ELL: variants seen among roughly 807,000 people sequenced by gnomAD.
ELL encodes the protein elongation factor for RNA polymerase II.
ELL carries 18 observed loss-of-function variants against 64.0 expected under a neutral mutation model. That is an observed-to-expected ratio of 0.28 (90% CI 0.19 to 0.42). ELL has a LOEUF of 0.42. Ranked by LOEUF, ELL falls within the 10% of genes least tolerant of loss-of-function variation. The pLI is 1.00. For missense variants in ELL, 797 were observed against 870.4 expected, an observed-to-expected ratio of 0.92 and a Z score of 1.06; for synonymous variants, 399 against 376.2, an observed-to-expected ratio of 1.06 and a Z score of -0.70.
In ELL at chr19:18,516,481, T is replaced by A. The variant is rs548088966; in HGVS notation, c.135+5440A>T. 2.4e-4 allele frequency among the ~76,000 whole-genome samples: 37 copies of A among 152,328 alleles called. No individual in the cohort carries two copies. The South Asian group carries it at 5.0e-3, about 20-fold the overall frequency. The stretch of plus-strand genomic sequence containing the variant: ...TTGCTAATTTCTGTGCCATCCTTCC[T>A]GTTCATGAATTCTGTCTCCTGCCAC... On this transcript the variant is annotated intron_variant, in intron 1 of 11. Transcript: ENST00000262809.
At chr19:18,512,685 T>C (rs2144978001) in intron 1 of ELL, among the ~76,000 whole-genome samples, 1 of 152,250 alleles carries the variant, frequency 6.6e-6, no homozygotes, top group East Asian at 1.9e-4. Flanking sequence ...AGGCTTTGCT[T>C]TCTGGGATCA....
At chr19:18,459,300 C>T (rs1334688970) in intron 5 of ELL, among the ~76,000 whole-genome samples, 3 of 152,326 alleles carry the variant, frequency 2.0e-5, no homozygotes, top group South Asian at 4.1e-4. Flanking sequence ...CTTGCTGTTG[C>T]CGGTTGACCA....
chr19:18,472,800 G>T, intron 2 of ELL, 35 bp downstream of exon 2: 1 of 1,532,284 alleles, frequency 6.5e-7, no homozygotes, highest in Non-Finnish European at 8.8e-7. Context: ...CCAGTCCCAA[G>T]ATTCCAAATA....
chr19:18,491,228 G>A (rs965543687), intron 1 of ELL, among the ~76,000 whole-genome samples: 2 of 136,730 alleles, frequency 1.5e-5, no homozygotes, highest in South Asian at 4.7e-4. Context: ...GACTACAGGT[G>A]CTCACCACCA....
chr19:18,501,173 C>T lies in ELL; in HGVS notation c.135+20748G>A, dbSNP rs952338272. On this transcript the variant is annotated intron_variant, in intron 1 of 11. Transcript: ENST00000262809. This position sits in a 1 kb window ranked among gnomAD's most constrained non-coding sequence, Gnocchi z 4.5. ...GCAAGCAGCACACCTCCAGGGGCCA[C>T]GTAGACAACCTGTGACACAGTGAAC... 1.3e-5 allele frequency among the ~76,000 whole-genome samples: 2 copies of T among 152,082 alleles called. No individual in the cohort carries two copies. The highest frequency in any genetic ancestry group is 4.8e-5 in the African/African-American group (2 of 41,388).
intron 6 of ELL, among the ~76,000 whole-genome samples, chr19:18,454,507 A>C (rs1974612431): frequency 6.6e-6 from 1 of 151,450 alleles, no homozygotes; most frequent in Admixed American, 6.6e-5. Flanking sequence ...CAAAATAAAT[A>C]AAGAAATAAA....
chr19:18,465,369 AGCTGCCCG>A (rs919013664), intron 4 of ELL, 35 bp downstream of exon 4: 2 of 1,545,522 alleles, frequency 1.3e-6, no homozygotes, highest in African/African-American at 1.4e-5. Flanking sequence ...CGACACTGGC[AGCTGCCCG>A]GCTGCCCTAC....
intron 2 of ELL, 154 bp downstream of exon 2, chr19:18,472,681 G>A: frequency 1.1e-6 from 1 of 897,488 alleles, no homozygotes; most frequent in Non-Finnish European, 1.7e-6. Flanking sequence ...CCCAGCCAAG[G>A]GGCTATCCTG....
intron 2 of ELL, 107 bp downstream of exon 2, chr19:18,472,728 G>T: frequency 7.3e-7 from 1 of 1,373,134 alleles, no homozygotes; most frequent in Non-Finnish European, 1.0e-6. Flanking sequence ...TGGCAGACAG[G>T]GCCCAAACAC....
rs530594631 is a variant in ELL, at chr19:18,482,308, C to CTTTTTTTTTTTTTTTTTTTTTTTT, written c.136-9450_136-9427dup. ...TAGTCCATGGCTTGTCTTTTCATTC[C>CTTTTTTTTTTTTTTTTTTTTTTTT]TTTTTTTTTTTTTTTTTTTTTTTTT... On this transcript the variant is annotated intron_variant, in intron 1 of 11. Transcript: ENST00000262809. 5.2e-5 allele frequency among the ~76,000 whole-genome samples: 4 copies of CTTTTTTTTTTTTTTTTTTTTTTTT among 77,566 alleles called. 1 individual carries two copies. Among genetic ancestry groups the CTTTTTTTTTTTTTTTTTTTTTTTT allele is most frequent in the African/African-American group, 1.3e-4 (2 of 15,334 alleles). The allele number at this position is 77,566 out of a possible 152,430, so 50.9% of individuals were successfully genotyped here. A position where few individuals can be genotyped will look rare whatever the true frequency, so the allele number is the denominator to read the frequency against.
rs1408840416 is a variant in ELL at position 18,517,897 on chromosome 19, A to AG, written c.135+4023_135+4024insC. ...GTAAGACCTTGTCTCAAAAAAAAAA[A>AG]AAAAAGAAGGAGAAGAAGAAGAAAA... On this transcript the variant is annotated intron_variant, in intron 1 of 11. Coordinates refer to ENST00000262809, the MANE Select transcript of ELL (RefSeq NM_006532.4). Among the ~76,000 whole-genome samples, 6 of 151,312 alleles carry AG rather than the reference A, an allele frequency of 4.0e-5. No individual in the cohort carries two copies. In the East Asian group the frequency reaches 7.8e-4, roughly 20 times the overall value.
intron 2 of ELL, among the ~76,000 whole-genome samples, chr19:18,468,991 C>T (rs1464488565): frequency 1.3e-5 from 2 of 152,184 alleles, no homozygotes; most frequent in Non-Finnish European, 2.9e-5. Flanking sequence ...CTGCTTGGAT[C>T]TTTTCCACAC....
At chr19:18,485,368 T>A (rs1385478092) in intron 1 of ELL, among the ~76,000 whole-genome samples, 2 of 152,058 alleles carry the variant, frequency 1.3e-5, no homozygotes, top group African/African-American at 4.8e-5. Flanking sequence ...TTAGAGCGCC[T>A]CCTCTCTGCC....
intron 1 of ELL, among the ~76,000 whole-genome samples, chr19:18,481,457 G>A (rs1975298577): frequency 6.6e-6 from 1 of 152,184 alleles, no homozygotes; most frequent in Non-Finnish European, 1.5e-5. Context: ...TCTGCCCACT[G>A]GGGTCATGCA....
chr19:18,459,715 A>G (rs1340420256), intron 5 of ELL, among the ~76,000 whole-genome samples: 2 of 132,510 alleles, frequency 1.5e-5, no homozygotes, highest in African/African-American at 6.9e-5. Flanking sequence ...TTTAGTAGAG[A>G]TGGGGTTTCA....
At chr19:18,469,106 G>T (rs369203225) in intron 2 of ELL, among the ~76,000 whole-genome samples, 6 of 152,196 alleles carry the variant, frequency 3.9e-5, no homozygotes, top group Non-Finnish European at 5.9e-5. Flanking sequence ...CTGCATGAAG[G>T]GGGGTGACAC....
chr19:18,511,664 C>T (rs959729742), intron 1 of ELL, among the ~76,000 whole-genome samples: 1 of 152,150 alleles, frequency 6.6e-6, no homozygotes, highest in African/African-American at 2.4e-5. Context: ...GGTGGAAGTA[C>T]AGGGGGCCCC....
At chr19:18,515,983 G>A (rs771817031) in intron 1 of ELL, among the ~76,000 whole-genome samples, 4 of 152,174 alleles carry the variant, frequency 2.6e-5, no homozygotes, top group Non-Finnish European at 4.4e-5. Context: ...GTCTAGCCCA[G>A]GGCCAACAGG....
Position 18,461,640 on chromosome 19 carries a change from G to A in ELL, c.682C>T (p.Arg228Ter). 1 of 1,611,576 alleles carries A rather than the reference G, an allele frequency of 6.2e-7. No individual in the cohort carries two copies. The highest frequency in any genetic ancestry group is 8.5e-7 in the Non-Finnish European group (1 of 1,179,944). The change falls in exon 5 of 12, where the codon CGA (arginine) becomes TGA (stop). Residue 228 changes from arginine (R) to a stop codon, truncating the protein, a stop_gained. Coordinates refer to ENST00000262809, the MANE Select transcript of ELL (RefSeq NM_006532.4). LOFTEE classifies it high-confidence loss of function. ...RPYRKAELLL[R>*]LQKDGLTQAD... Reference sequence around the variant, plus strand: ...TGCGTCAGGCCGTCCTTCTGCAGTCGCAGCAGCAGCTCAGCCTTGCGGTAG... The same window carrying A: ...TGCGTCAGGCCGTCCTTCTGCAGTCACAGCAGCAGCTCAGCCTTGCGGTAG...
Sources: allele counts gnomAD v4.1 joint callset (sites outside exome capture counted in the v4.1 genomes callset), GRCh38; gene constraint gnomAD v4.1.1; non-coding constraint Gnocchi (gnomAD v3.1); transcripts MANE v1.5; gene names NCBI Gene and HGNC (gene_info 2026-07-23, HGNC 2026-07-21).